Variants in CHN1 observed in about 807,000 individuals in gnomAD.
The protein encoded by CHN1 is chimerin 1.
Under a neutral mutation model 59.5 loss-of-function variants are expected in CHN1, and 37 were observed. That is an observed-to-expected ratio of 0.62 (90% CI 0.48 to 0.82). The LOEUF (loss-of-function observed/expected upper bound fraction) is 0.82. Among genes scored for constraint, CHN1 ranks in the 40% least tolerant of loss-of-function variants. The pLI is 0.00. For missense variants in CHN1, 469 were observed against 571.0 expected (o/e 0.82, Z 1.82); for synonymous variants, 206 against 200.4 (o/e 1.03, Z -0.24).
intron 1 of CHN1, among the ~76,000 whole-genome samples, chr2:174,971,090 G>A (rs1401377941): frequency 6.6e-6 from 1 of 152,166 alleles, no homozygotes; most frequent in African/African-American, 2.4e-5. Flanking sequence ...AGGCTGAGGT[G>A]GGTGGATCAC....
rs561591994 is a variant in CHN1 at position 174,798,988 on chromosome 2, C to T, written c.*1128G>A. On this transcript the variant is annotated 3_prime_UTR_variant, in exon 13 of 13. Coordinates refer to ENST00000409900, the MANE Select transcript of CHN1 (RefSeq NM_001822.7). ...GGGCTCCTGGCCCCTAGCTGCAGAC[C>T]CCTTCTCCAGCCACCAGGTTGGCCT... 2.0e-5 allele frequency among the ~76,000 whole-genome samples: 3 copies of T among 152,336 alleles called. No homozygotes were observed. In the South Asian group the frequency reaches 6.2e-4, roughly 32 times the overall value.
chr2:174,833,694 T>C (rs1169879288), intron 7 of CHN1, among the ~76,000 whole-genome samples: 1 of 152,230 alleles, frequency 6.6e-6, no homozygotes, highest in East Asian at 1.9e-4. Context: ...TTATGTTTTA[T>C]ACTCTGAATT....
chr2:174,937,695 A>G (rs1574187539), intron 3 of CHN1, among the ~76,000 whole-genome samples: 1 of 151,944 alleles, frequency 6.6e-6, no homozygotes, highest in African/African-American at 2.4e-5. Context: ...TCCTTCATGA[A>G]TATCTCGGTG....
At chr2:174,949,361 G>A (rs1253641162) in intron 2 of CHN1, among the ~76,000 whole-genome samples, 1 of 152,038 alleles carries the variant, frequency 6.6e-6, no homozygotes, top group East Asian at 1.9e-4. Context: ...ATGAGACAGG[G>A]TCTGGAGTTC....
chr2:174,807,446 CTGTGTGTGTGTGTGTG>C (rs71031071), intron 11 of CHN1, among the ~76,000 whole-genome samples: 2,513 of 83,834 alleles, frequency 0.03, 55 homozygotes, highest in Admixed American at 0.08. Flanking sequence ...CACGGGCTAT[CTGTGTGTGTGTGTGTG>C]TGTGTGTGTG....
intron 8 of CHN1, among the ~76,000 whole-genome samples, chr2:174,818,299 C>T (rs1030007301): frequency 6.6e-6 from 1 of 152,136 alleles, no homozygotes; most frequent in African/African-American, 2.4e-5. Context: ...CTTGGCAGGA[C>T]TGGATATGAA....
intron 8 of CHN1, among the ~76,000 whole-genome samples, chr2:174,815,801 A>G (rs992340700): frequency 1.3e-5 from 2 of 151,996 alleles, no homozygotes; most frequent in African/African-American, 4.8e-5. Flanking sequence ...TTGATATTTG[A>G]GTATTATTTG....
intron 5 of CHN1, among the ~76,000 whole-genome samples, chr2:174,890,003 AGAG>A (rs1200664459): frequency 1.3e-5 from 2 of 152,178 alleles, no homozygotes; most frequent in Non-Finnish European, 2.9e-5. Flanking sequence ...GAAAGCAACC[AGAG>A]AAGAGAGACA....
chr2:174,947,104 T>C (rs1291351807), intron 2 of CHN1, among the ~76,000 whole-genome samples: 1 of 152,064 alleles, frequency 6.6e-6, no homozygotes, highest in African/African-American at 2.4e-5. Flanking sequence ...AAGAAGAACA[T>C]TAAAAGTTAA....
At chr2:174,818,727 C>A (rs1031067826) in intron 8 of CHN1, among the ~76,000 whole-genome samples, 2 of 151,980 alleles carry the variant, frequency 1.3e-5, no homozygotes, top group African/African-American at 4.8e-5. Context: ...ATAAAAAATT[C>A]AAGTCACATT....
At chr2:174,895,844 A>T (rs1688203806) in intron 5 of CHN1, among the ~76,000 whole-genome samples, 1 of 152,110 alleles carries the variant, frequency 6.6e-6, no homozygotes, top group African/African-American at 2.4e-5. Flanking sequence ...ACTCACAAAA[A>T]ACTGTTCACA....
At chr2:174,828,789 G>T (rs758447814) in intron 7 of CHN1, among the ~76,000 whole-genome samples, 2 of 152,178 alleles carry the variant, frequency 1.3e-5, no homozygotes, top group Admixed American at 6.5e-5. Flanking sequence ...TTCACAAGGG[G>T]TGCAAGGGCT....
At chr2:174,853,116 T>G (rs552354372) in intron 6 of CHN1, among the ~76,000 whole-genome samples, 14 of 152,230 alleles carry the variant, frequency 9.2e-5, no homozygotes, top group African/African-American at 3.4e-4. Flanking sequence ...ACCGAAGAGC[T>G]TGTGCACAGC....
intron 11 of CHN1, 54 bp downstream of exon 11, chr2:174,808,851 T>C (rs1684986331): frequency 6.3e-7 from 1 of 1,586,630 alleles, no homozygotes; most frequent in African/African-American, 1.3e-5. Context: ...ACCAGGAAGG[T>C]GATTACCAAG....
At chr2:174,894,085 G>T (rs187497303) in intron 5 of CHN1, among the ~76,000 whole-genome samples, 2 of 151,992 alleles carry the variant, frequency 1.3e-5, no homozygotes, top group Non-Finnish European at 2.9e-5. Context: ...GACACCAAAA[G>T]CACAAGTAAC....
chr2:174,910,684 T>G (rs1009845738), intron 5 of CHN1, among the ~76,000 whole-genome samples: 3 of 152,126 alleles, frequency 2.0e-5, no homozygotes, highest in Non-Finnish European at 4.4e-5. Flanking sequence ...ATGATTGCAT[T>G]TATACCCATA....
Position 174,923,123 on chromosome 2 carries a change from G to A in CHN1, c.115-4558C>T, listed in dbSNP as rs904828435. On this transcript the variant is annotated intron_variant, in intron 3 of 12. Coordinates refer to ENST00000409900, the MANE Select transcript of CHN1 (RefSeq NM_001822.7). ...GTACATTAATTATATACCTAATATCGCCTTTAACAATATAATTTTTTTTTT... is the reference window on the plus strand; with the variant it reads ...GTACATTAATTATATACCTAATATCACCTTTAACAATATAATTTTTTTTTT... Among the ~76,000 whole-genome samples, 7 of 151,734 alleles carry A rather than the reference G, an allele frequency of 4.6e-5. No homozygotes were observed. The East Asian group carries it at 5.8e-4, about 13-fold the overall frequency.
intron 3 of CHN1, among the ~76,000 whole-genome samples, chr2:174,920,431 G>A (rs1474366232): frequency 1.3e-5 from 2 of 152,132 alleles, no homozygotes; most frequent in Non-Finnish European, 2.9e-5. Context: ...TTGTTCAAGT[G>A]GTGGGGCTCA....
At chr2:174,910,058 T>C (rs1034832455) in intron 5 of CHN1, among the ~76,000 whole-genome samples, 1 of 152,214 alleles carries the variant, frequency 6.6e-6, no homozygotes, top group Admixed American at 6.5e-5. Context: ...ACTGCAATTA[T>C]TTTCTGAGAG....
Sources: gnomAD v4.1 joint callset for allele counts (sites outside exome capture counted in the v4.1 genomes callset) on GRCh38, gnomAD v4.1.1 for gene constraint, MANE v1.5 for transcripts, NCBI Gene and HGNC (gene_info 2026-07-23, HGNC 2026-07-21) for gene names.